The following CHIC1 variants were observed in gnomAD, a reference collection of about 807,000 sequenced individuals.
CHIC1 encodes the protein cysteine-rich hydrophobic domain-containing protein 1.
In CHIC1, 7 loss-of-function variants were observed where a neutral mutation model predicts 18.5. The ratio of observed to expected loss-of-function variants is 0.38; its 90% CI spans 0.22 to 0.71. The LOEUF (loss-of-function observed/expected upper bound fraction) is 0.71, where lower values mean the gene tolerates loss of function less well. Ranked by LOEUF, CHIC1 falls within the 30% of genes least tolerant of loss-of-function variation. The pLI is 0.49. For synonymous variants in CHIC1, 77 were observed against 73.5 expected, an observed-to-expected ratio of 1.05 and a Z score of -0.25; for missense variants, 159 against 176.9, an observed-to-expected ratio of 0.90 and a Z score of 0.57.
intron 1 of CHIC1, among the ~76,000 whole-genome samples, chrX:73,571,858 TAG>T (rs1353225037): frequency 9.0e-6 from 1 of 111,363 alleles, no homozygotes; most frequent in East Asian, 2.8e-4. Flanking sequence ...CTGCTAAATA[TAG>T]AGAGTTTTTG....
chrX:73,662,618 G>C lies in CHIC1; in HGVS notation c.508-16708G>C, dbSNP rs772273581. On this transcript the variant is annotated intron_variant, in intron 3 of 5. Coordinates refer to ENST00000373502, the MANE Select transcript of CHIC1 (RefSeq NM_001039840.4). ...TTTTGCCCAAGATGAGGTGAAGTCA[G>C]TTAATATCGCCTAGTAATTTCTGAT... Among the ~76,000 whole-genome samples the C allele has an allele frequency of 4.6e-5, 5 of 108,357 alleles. No individual in the cohort carries two copies. In the East Asian group the frequency reaches 1.4e-3, roughly 31 times the overall value. The allele number at this position is 108,357 out of a possible 115,157, so 94.1% of individuals were successfully genotyped here. A position where few individuals can be genotyped will look rare whatever the true frequency, so the allele number is the denominator to read the frequency against.
intron 3 of CHIC1, among the ~76,000 whole-genome samples, chrX:73,604,302 T>C (rs1271448385): frequency 9.5e-6 from 1 of 104,952 alleles, no homozygotes; most frequent in Non-Finnish European, 1.9e-5. Flanking sequence ...TGCATAGAGG[T>C]GTTTATAGTA....
chrX:73,568,047 T>C (rs1249665095), intron 1 of CHIC1, among the ~76,000 whole-genome samples: 1 of 111,886 alleles, frequency 8.9e-6, no homozygotes, highest in Non-Finnish European at 1.9e-5. Flanking sequence ...TGGTTCACTT[T>C]AGTAACACTC....
intron 1 of CHIC1, among the ~76,000 whole-genome samples, chrX:73,566,677 C>A (rs144766030): frequency 9.8e-5 from 11 of 112,168 alleles, no homozygotes; most frequent in African/African-American, 3.6e-4. Context: ...CTTTACCCCT[C>A]TCTGATCTGG....
intron 3 of CHIC1, among the ~76,000 whole-genome samples, chrX:73,670,294 C>T (rs977911967): frequency 1.8e-5 from 2 of 111,636 alleles, no homozygotes; most frequent in African/African-American, 6.5e-5. Flanking sequence ...GTGCTATATT[C>T]ACTCACCCCT....
intron 2 of CHIC1, among the ~76,000 whole-genome samples, 155 bp from the exon 3 acceptor site, chrX:73,584,262 A>G (rs931024929): frequency 2.7e-5 from 3 of 111,463 alleles, no homozygotes; most frequent in Admixed American, 1.9e-4. Flanking sequence ...GTGCTTTTCA[A>G]CGTCATCCTA....
intron 3 of CHIC1, among the ~76,000 whole-genome samples, chrX:73,651,898 C>A (rs1383583821): frequency 9.0e-6 from 1 of 111,696 alleles, no homozygotes; most frequent in Non-Finnish European, 1.9e-5. Context: ...CTTTAAAGTT[C>A]GTATGGAACC....
chrX:73,643,823 A>G (rs1426661502), intron 3 of CHIC1, among the ~76,000 whole-genome samples: 9 of 111,309 alleles, frequency 8.1e-5, no homozygotes, highest in Non-Finnish European at 1.7e-4. Flanking sequence ...ATTTCCTCCT[A>G]TAGCTCAGAG....
At chrX:73,619,914 G>T (rs1464809190) in intron 3 of CHIC1, among the ~76,000 whole-genome samples, 7 of 110,250 alleles carry the variant, frequency 6.3e-5, no homozygotes, top group Admixed American at 4.8e-4. Context: ...GTGTCCATGT[G>T]TTCTCATTGT....
intron 3 of CHIC1, among the ~76,000 whole-genome samples, chrX:73,640,811 A>G (rs955203629): frequency 9.0e-6 from 1 of 110,745 alleles, no homozygotes; most frequent in African/African-American, 3.3e-5. Context: ...GGATTTGTTG[A>G]TCTTTTGTAT....
rs2058125865 is a variant in CHIC1 at position 73,687,069 on chromosome X, T to G, written c.*6064T>G. The G allele has an allele frequency of 8.9e-6, 1 of 111,904 alleles. No individual in the cohort carries two copies. The highest frequency in any genetic ancestry group is 3.2e-5 in the African/African-American group (1 of 30,885). The allele number at this position is 111,904 out of a possible 1,213,427, so 9.2% of individuals were successfully genotyped here. On this transcript the variant is annotated 3_prime_UTR_variant, in exon 6 of 6. Transcript: ENST00000373502. ...CAGATAAAATTTTATTATCTCAGGA[T>G]GCAAATTTAAAATAAAGTGTAAATC...
At chrX:73,618,312 G>GC (rs1167710469) in intron 3 of CHIC1, among the ~76,000 whole-genome samples, 1 of 111,595 alleles carries the variant, frequency 9.0e-6, no homozygotes, top group Non-Finnish European at 1.9e-5. Flanking sequence ...GGATGATCAG[G>GC]CAATGCACAG....
At chrX:73,571,712 T>A (rs748580645) in intron 1 of CHIC1, among the ~76,000 whole-genome samples, 3 of 111,675 alleles carry the variant, frequency 2.7e-5, no homozygotes, top group African/African-American at 9.7e-5. Flanking sequence ...AGGATTTTTT[T>A]AAAATGTAGT....
In CHIC1 at chrX:73,647,222, A is replaced by G. The variant is rs187647999; in HGVS notation, c.508-32104A>G. Among the ~76,000 whole-genome samples the G allele has an allele frequency of 4.1e-3, 461 of 112,125 alleles. 3 individuals are homozygous for G. The highest frequency in any genetic ancestry group is 2.7e-3 in the Non-Finnish European group (142 of 53,185). ...TTATAAATCCATGCCACCAGGGACTAGGGTTCTAACATCAGAGCCATGCAG... is the reference window on the plus strand; with the variant it reads ...TTATAAATCCATGCCACCAGGGACTGGGGTTCTAACATCAGAGCCATGCAG... On this transcript the variant is annotated intron_variant, in intron 3 of 5. Coordinates refer to ENST00000373502, the MANE Select transcript of CHIC1 (RefSeq NM_001039840.4).
intron 3 of CHIC1, among the ~76,000 whole-genome samples, chrX:73,600,791 G>C (rs1487898728): frequency 1.9e-5 from 2 of 106,288 alleles, no homozygotes; most frequent in Non-Finnish European, 3.8e-5. Context: ...TGGTCTAAAA[G>C]TGTGCTGTAT....
chrX:73,659,201 ACTTCCTTGTTATCTACCT>A (rs1436593667), intron 3 of CHIC1, among the ~76,000 whole-genome samples: 13 of 111,504 alleles, frequency 1.2e-4, no homozygotes, highest in South Asian at 3.7e-4. Flanking sequence ...ATTCCTTTAC[ACTTCCTTGTTATCTACCT>A]CTTGCTCTCA....
chrX:73,648,743 G>A (rs1033021287), intron 3 of CHIC1, among the ~76,000 whole-genome samples: 2 of 112,024 alleles, frequency 1.8e-5, no homozygotes, highest in African/African-American at 6.5e-5. Flanking sequence ...TGATTGACTG[G>A]AGTACCCGAA....
intron 3 of CHIC1, among the ~76,000 whole-genome samples, chrX:73,597,195 A>G (rs2057613909): frequency 8.9e-6 from 1 of 111,959 alleles, no homozygotes; most frequent in South Asian, 3.7e-4. Flanking sequence ...TGAGCATAAA[A>G]TGGTGTCTCA....
In CHIC1 at chrX:73,681,240, T is replaced by C. The variant is rs1414441416; in HGVS notation, c.*235T>C. ...AAATACACACACATGCGTGTGTGCA[T>C]ATACATATATAGATAGTTGCCATTA... On this transcript the variant is annotated 3_prime_UTR_variant, in exon 6 of 6. Coordinates refer to ENST00000373502, the MANE Select transcript of CHIC1 (RefSeq NM_001039840.4). 1.3e-4 allele frequency: 39 copies of C among 298,248 alleles called. No individual in the cohort carries two copies. Among genetic ancestry groups the C allele is most frequent in the Middle Eastern group, 1.5e-3 (2 of 1,343 alleles). The allele number at this position is 298,248 out of a possible 1,213,427, so 24.6% of individuals were successfully genotyped here.
Sources: gnomAD v4.1 joint callset for allele counts (sites outside exome capture counted in the v4.1 genomes callset) on GRCh38, gnomAD v4.1.1 for gene constraint, MANE v1.5 for transcripts, NCBI Gene and HGNC (gene_info 2026-07-23, HGNC 2026-07-21) for gene names.